RASL10B: variants seen among roughly 807,000 people sequenced by gnomAD.
RASL10B encodes the protein RAS like family 10 member B, also known as ras-like protein family member 10B.
Under a neutral mutation model 20.7 loss-of-function variants are expected in RASL10B, and 10 were observed. The ratio of observed to expected loss-of-function variants is 0.48; its 90% CI spans 0.30 to 0.82. RASL10B has a LOEUF of 0.82. RASL10B is among the 40% of genes least tolerant of loss of function. RASL10B has a pLI of 0.07. For synonymous variants in RASL10B, 110 were observed against 123.3 expected (o/e 0.89, Z 0.72); for missense variants, 231 against 295.4 (o/e 0.78, Z 1.60).
chr17:35,739,052 C>T (rs587623378), intron 2 of RASL10B, among the ~76,000 whole-genome samples: 3 of 152,318 alleles, frequency 2.0e-5, no homozygotes, highest in African/African-American at 7.2e-5. Flanking sequence ...TCGGCATCCT[C>T]CCGCCGCACC....
chr17:35,735,513 T>G lies in RASL10B; in HGVS notation c.216+113T>G, dbSNP rs374112746. ...ATTGCCAGGGCCCCATCACTGAGTT[T>G]GGGAGCTCCACACTGCACCTTGGGC... is the stretch of plus-strand genomic sequence containing the variant. On this transcript the variant is annotated intron_variant, in intron 2 of 3. Coordinates refer to ENST00000603017, the MANE Select transcript of RASL10B (RefSeq NM_033315.4). The surrounding 1 kb of genome is among the most constrained non-coding windows in gnomAD (Gnocchi z 6.7). 3 of 1,032,482 alleles carry G rather than the reference T, an allele frequency of 2.9e-6. No homozygotes were observed. Among genetic ancestry groups the G allele is most frequent in the Admixed American group, 4.2e-5 (2 of 47,856 alleles). 64.0% of individuals were successfully genotyped at this position (1,032,482 alleles called of 1,614,324 possible).
chr17:35,733,462 G>A (rs76219356), intron 1 of RASL10B, among the ~76,000 whole-genome samples: 12,562 of 152,304 alleles, frequency 0.082, 676 homozygotes, highest in Admixed American at 0.16. Context: ...TGCTGTGTGC[G>A]CACATACCCC....
In RASL10B at chr17:35,742,349, TCA is replaced by T. The variant is rs1555598123; in HGVS notation, c.*1045_*1046del. 1 of 152,408 alleles carries T rather than the reference TCA, an allele frequency of 6.6e-6. No individual in the cohort carries two copies. Among genetic ancestry groups the T allele is most frequent in the African/African-American group, 2.4e-5 (1 of 41,414 alleles). The allele number at this position is 152,408 out of a possible 1,614,324, so 9.4% of individuals were successfully genotyped here. ...CCCCAGACTCTGCCTGCCTCAGATC[TCA>T]GACTATCCTGATTAATCTGGGGAAG... On this transcript the variant is annotated 3_prime_UTR_variant, in exon 4 of 4. Coordinates refer to ENST00000603017, the MANE Select transcript of RASL10B (RefSeq NM_033315.4).
chr17:35,740,919 T>C (rs1449665319), intron 3 of RASL10B, 116 bp from the exon 4 acceptor site: 1 of 824,946 alleles, frequency 1.2e-6, no homozygotes, highest in Non-Finnish European at 1.9e-6. Flanking sequence ...GGCTTAGGGC[T>C]GCGCCTGGAG....
intron 1 of RASL10B, among the ~76,000 whole-genome samples, chr17:35,734,650 T>C (rs1404190776): frequency 6.6e-6 from 1 of 151,870 alleles, no homozygotes; most frequent in Non-Finnish European, 1.5e-5. Context: ...ATGTCAGGAG[T>C]GCCAGCACTG....
Position 35,735,356 on chromosome 17 carries a change from C to T in RASL10B, c.172C>T (p.Leu58Phe), listed in dbSNP as rs144546093. Residue 58 changes from leucine to phenylalanine, a missense_variant, in exon 2 of 4, where the codon CTC (leucine) becomes TTC (phenylalanine). Transcript: ENST00000603017. This position sits in a 1 kb window ranked among gnomAD's most constrained non-coding sequence, Gnocchi z 6.7. ...MNGHVHDLQILDFPPISAFPV... is the reference protein window; with the variant it reads ...MNGHVHDLQIFDFPPISAFPV... ...CGGCCACGTGCACGACCTCCAGATC[C>T]TCGACTTTCCACCCATCAGCGCCTT... The T allele has an allele frequency of 6.2e-7, 1 of 1,614,214 alleles. No homozygotes were observed. The highest frequency in any genetic ancestry group is 1.7e-5 in the Admixed American group (1 of 60,032).
intron 2 of RASL10B, 31 bp from the exon 3 acceptor site, chr17:35,740,378 C>G (rs1555597711): frequency 6.2e-7 from 1 of 1,609,104 alleles, no homozygotes; most frequent in Non-Finnish European, 8.5e-7. Flanking sequence ...CATGGCTGCT[C>G]TGACCCTGGT....
intron 1 of RASL10B, among the ~76,000 whole-genome samples, chr17:35,733,806 A>G (rs930108154): frequency 2.0e-4 from 30 of 152,236 alleles, no homozygotes; most frequent in African/African-American, 7.0e-4. Context: ...TATGTGCAGA[A>G]GCATGGCTCC....
Position 35,735,096 on chromosome 17 carries a change from C to T in RASL10B, c.-89C>T, listed in dbSNP as rs1335708363. The T allele has an allele frequency of 4.4e-6, 6 of 1,352,844 alleles. No individual in the cohort carries two copies. Among genetic ancestry groups the T allele is most frequent in the Non-Finnish European group, 5.2e-6 (5 of 969,842 alleles). 83.8% of individuals were successfully genotyped at this position (1,352,844 alleles called of 1,614,324 possible). A position where few individuals can be genotyped will look rare whatever the true frequency, so the allele number is the denominator to read the frequency against. ...CAGAGGCAGCAATGGTTGGTCCTGA[C>T]GGTGGCTGAGCCCCCAGCCCCTGGA... On this transcript the variant is annotated 5_prime_UTR_variant, in exon 2 of 4. In the 5' UTR this introduces an upstream ATG that the reference lacks. Transcript: ENST00000603017. The surrounding 1 kb of genome is among the most constrained non-coding windows in gnomAD (Gnocchi z 6.7).
intron 2 of RASL10B, among the ~76,000 whole-genome samples, chr17:35,738,675 T>G (rs1555597517): frequency 1.3e-5 from 2 of 152,158 alleles, no homozygotes; most frequent in African/African-American, 4.8e-5. Context: ...GAACCCTGCT[T>G]CCTCCCTTCA....
chr17:35,737,925 CTG>C (rs1418738222), intron 2 of RASL10B, among the ~76,000 whole-genome samples: 4 of 150,036 alleles, frequency 2.7e-5, no homozygotes, highest in Admixed American at 6.6e-5. Flanking sequence ...AAAAGTGTGA[CTG>C]TAACTGGAGT....
At position 35,742,908 on chromosome 17, in the gene RASL10B, T is replaced by A. The variant is rs1555598232; in HGVS notation, c.*1603T>A. On this transcript the variant is annotated 3_prime_UTR_variant, in exon 4 of 4. Transcript: ENST00000603017. ...GTGGGTGGGGAATTTATCACCAACA[T>A]CCATTGTAGGGGGAATCTATGATTC... The A allele has an allele frequency of 6.6e-6, 1 of 152,288 alleles. No individual in the cohort carries two copies. The highest frequency in any genetic ancestry group is 2.4e-5 in the African/African-American group (1 of 41,436). The allele number at this position is 152,288 out of a possible 1,614,324, so 9.4% of individuals were successfully genotyped here.
chr17:35,734,602 G>A (rs1358847826), intron 1 of RASL10B, among the ~76,000 whole-genome samples: 1 of 152,172 alleles, frequency 6.6e-6, no homozygotes, highest in Admixed American at 6.5e-5. Context: ...CCTGCAATGT[G>A]TGGGCAGTCC....
Position 35,740,506 on chromosome 17 carries a change from C to T in RASL10B, c.314C>T (p.Thr105Ile), listed in dbSNP as rs782408745. The T allele has an allele frequency of 1.8e-5, 29 of 1,613,724 alleles. No homozygotes were observed. The highest frequency in any genetic ancestry group is 2.5e-5 in the Non-Finnish European group (29 of 1,179,862). ...CCFDSFEYVK[T>I]IRQQILETRV... ...TTTGACAGCTTTGAGTACGTCAAGA[C>T]CATCCGCCAGCAGATCCTGGAGACG... The change falls in exon 3 of 4, where the codon ACC (threonine) becomes ATC (isoleucine). Residue 105 changes from threonine to isoleucine, a missense_variant. By Grantham distance (89) the Thr-to-Ile change is moderately conservative. Transcript: ENST00000603017.
Position 35,743,403 on chromosome 17 carries a change from TCTC to T in RASL10B, c.*2101_*2103del, listed in dbSNP as rs1392402309. The stretch of plus-strand genomic sequence containing the variant: ...CACCCCCATTCTGAGTCTCTGTCCT[TCTC>T]CTTCCACCCGCTCCCAGGGTTTCCC... On this transcript the variant is annotated 3_prime_UTR_variant, in exon 4 of 4. Transcript: ENST00000603017. 3 of 151,990 alleles carry T rather than the reference TCTC, an allele frequency of 2.0e-5. No individual in the cohort carries two copies. Among genetic ancestry groups the T allele is most frequent in the South Asian group, 4.1e-4 (2 of 4,822 alleles). The allele number at this position is 151,990 out of a possible 1,614,324, so 9.4% of individuals were successfully genotyped here. A position where few individuals can be genotyped will look rare whatever the true frequency, so the allele number is the denominator to read the frequency against.
rs1385320735 is a variant in RASL10B at position 35,743,344 on chromosome 17, C to T, written c.*2039C>T. The T allele has an allele frequency of 6.5e-6, 1 of 152,758 alleles. No individual in the cohort carries two copies. Among genetic ancestry groups the T allele is most frequent in the Non-Finnish European group, 1.5e-5 (1 of 68,100 alleles). The allele number at this position is 152,758 out of a possible 1,614,324, so 9.5% of individuals were successfully genotyped here. On this transcript the variant is annotated 3_prime_UTR_variant, in exon 4 of 4. Transcript: ENST00000603017. ...CCCCTGACAGGCCCCCTTCCGCCTC[C>T]ACCTCAACCCAGGTCTTGGATTTCA...
At chr17:35,732,481 G>T (rs2085564448) in intron 1 of RASL10B, among the ~76,000 whole-genome samples, 1 of 152,244 alleles carries the variant, frequency 6.6e-6, no homozygotes, top group Non-Finnish European at 1.5e-5. Context: ...AGCCAAGGGT[G>T]TTGGATTAAT....
At position 35,741,138 on chromosome 17, in the gene RASL10B, A is replaced by T. The variant is rs782039018; in HGVS notation, c.445A>T (p.Lys149Ter). The T allele has an allele frequency of 6.2e-7, 1 of 1,613,438 alleles. No individual in the cohort carries two copies. Among genetic ancestry groups the T allele is most frequent in the Non-Finnish European group, 8.5e-7 (1 of 1,180,034 alleles). ...PRWNVSHLVRKTWKCGYVECS... is the reference protein window; with the variant it reads ...PRWNVSHLVR ...CTGGAACGTGTCGCACCTGGTACGC[A>T]AGACCTGGAAGTGCGGCTACGTGGA... Residue 149 changes from lysine to a stop codon, truncating the protein, a stop_gained, in exon 4 of 4, where the codon AAG (lysine) becomes TAG (stop). Coordinates refer to ENST00000603017, the MANE Select transcript of RASL10B (RefSeq NM_033315.4). LOFTEE classifies it high-confidence loss of function.
chr17:35,733,052 TAAC>T lies in RASL10B; in HGVS notation c.-148+1178_-148+1180del, dbSNP rs1161377124. ...AGGAGTTCAGGGTCCTAATCTTAGT[TAAC>T]AACTCAACTGGCTATGAGGTCTTCA... On this transcript the variant is annotated intron_variant, in intron 1 of 3. Coordinates refer to ENST00000603017, the MANE Select transcript of RASL10B (RefSeq NM_033315.4). Among the ~76,000 whole-genome samples, 3 of 152,324 alleles carry T rather than the reference TAAC, an allele frequency of 2.0e-5. No homozygotes were observed. In the East Asian group the frequency reaches 5.8e-4, roughly 29 times the overall value.
Sources: gnomAD v4.1 joint callset for allele counts (sites outside exome capture counted in the v4.1 genomes callset) on GRCh38, gnomAD v4.1.1 for gene constraint, Gnocchi (gnomAD v3.1) non-coding constraint, MANE v1.5 for transcripts, NCBI Gene and HGNC (gene_info 2026-07-23, HGNC 2026-07-21) for gene names.